UBASH3B: variants seen among roughly 807,000 people sequenced by gnomAD.
UBASH3B encodes ubiquitin-associated and SH3 domain-containing protein B.
Under a neutral mutation model 83.4 loss-of-function variants are expected in UBASH3B, and 37 were observed. The ratio of observed to expected loss-of-function variants is 0.44; its 90% CI spans 0.34 to 0.58. The LOEUF is 0.58. UBASH3B is among the 20% of genes least tolerant of loss of function. The probability of loss-of-function intolerance (pLI) is 0.01; values close to 1 mark genes in which losing one functional copy is unlikely to be tolerated. For missense variants in UBASH3B, 657 were observed against 827.2 expected (o/e 0.79, Z 2.52); for synonymous variants, 304 against 318.3 (o/e 0.96, Z 0.48).
intron 1 of UBASH3B, among the ~76,000 whole-genome samples, chr11:122,691,740 C>T (rs1455299050): frequency 6.6e-6 from 1 of 152,204 alleles, no homozygotes; most frequent in Non-Finnish European, 1.5e-5. Context: ...AAAAGGCTGC[C>T]TTGCCTGGCC....
rs1324237386 is a variant in UBASH3B at position 122,812,757 on chromosome 11, A to AT, written c.*2875dup. 2 of 152,210 alleles carry AT rather than the reference A, an allele frequency of 1.3e-5. No homozygotes were observed. Among genetic ancestry groups the AT allele is most frequent in the East Asian group, 3.8e-4 (2 of 5,198 alleles). 9.4% of individuals were successfully genotyped at this position (152,210 alleles called of 1,614,324 possible). On this transcript the variant is annotated 3_prime_UTR_variant, in exon 14 of 14. Coordinates refer to ENST00000284273, the MANE Select transcript of UBASH3B (RefSeq NM_032873.5). ...CACAGACAGAACTTTGTTTCCTGTG[A>AT]TTTTAAAATACCGCGTCTGTTCCTC...
intron 1 of UBASH3B, among the ~76,000 whole-genome samples, chr11:122,682,843 A>G (rs938051420): frequency 1.3e-5 from 2 of 152,222 alleles, no homozygotes; most frequent in African/African-American, 4.8e-5. Context: ...TTTCTAACTT[A>G]TCCTAAGGTA....
Position 122,801,308 on chromosome 11 carries a change from A to G in UBASH3B, c.1571A>G (p.Asn524Ser). ...CCTCCATCAGAGTTAGCTGCAGCCAACCTGAGTGTTGATACAACCTACAGG... is the reference window on the plus strand; with the variant it reads ...CCTCCATCAGAGTTAGCTGCAGCCAGCCTGAGTGTTGATACAACCTACAGG... Reference protein sequence around the residue: ...WIPPSELAAANLSVDTTYRPH... With the variant: ...WIPPSELAAASLSVDTTYRPH... Residue 524 changes from asparagine to serine, a missense_variant, in exon 11 of 14, where the codon AAC becomes AGC. This residue lies in a region of UBASH3B where 573 missense variants were observed against 739.0 expected (regional missense o/e 0.78). Transcript: ENST00000284273. 6.2e-7 allele frequency: 1 copy of G among 1,614,172 alleles called. No homozygotes were observed. The highest frequency in any genetic ancestry group is 8.5e-7 in the Non-Finnish European group (1 of 1,180,024).
chr11:122,683,506 T>C (rs1032937739), intron 1 of UBASH3B, among the ~76,000 whole-genome samples: 3 of 151,612 alleles, frequency 2.0e-5, no homozygotes, highest in Admixed American at 2.0e-4. Flanking sequence ...TCCCAGCTAC[T>C]TGGGAGGCTG....
rs1052081482 is a variant in UBASH3B, at chr11:122,794,579, C to T, written c.981-123C>T. On this transcript the variant is annotated intron_variant, in intron 6 of 13. Coordinates refer to ENST00000284273, the MANE Select transcript of UBASH3B (RefSeq NM_032873.5). ...GAATGAGGCCACTCCTGCTCAGCATCCCCCATCATTGTGCTACCCACAGAG... is the reference window on the plus strand; with the variant it reads ...GAATGAGGCCACTCCTGCTCAGCATTCCCCATCATTGTGCTACCCACAGAG... 7.4e-6 allele frequency: 9 copies of T among 1,219,326 alleles called. No homozygotes were observed. In the Admixed American group the frequency reaches 1.8e-4, roughly 25 times the overall value. The allele number at this position is 1,219,326 out of a possible 1,614,324, so 75.5% of individuals were successfully genotyped here.
intron 5 of UBASH3B, among the ~76,000 whole-genome samples, chr11:122,784,533 G>A (rs992345474): frequency 9.9e-5 from 15 of 152,270 alleles, no homozygotes; most frequent in Admixed American, 9.8e-4. Flanking sequence ...TTAAAAATGT[G>A]CCTTCCAACT....
At chr11:122,735,200 T>C (rs1860912836) in intron 1 of UBASH3B, among the ~76,000 whole-genome samples, 1 of 152,190 alleles carries the variant, frequency 6.6e-6, no homozygotes, top group East Asian at 1.9e-4. Context: ...CCCAATAGCA[T>C]ATATTTCTCG....
At chr11:122,805,735 G>A (rs1438222348) in intron 11 of UBASH3B, among the ~76,000 whole-genome samples, 1 of 152,124 alleles carries the variant, frequency 6.6e-6, no homozygotes, top group Non-Finnish European at 1.5e-5. Context: ...TGGGTGGGGG[G>A]CACAGCCAGG....
intron 1 of UBASH3B, among the ~76,000 whole-genome samples, chr11:122,699,916 A>G (rs551394533): frequency 6.6e-6 from 1 of 152,256 alleles, no homozygotes; most frequent in South Asian, 2.1e-4. Flanking sequence ...CTTGTAATCT[A>G]TTAAGGTTTA....
rs1861325450 is a variant in UBASH3B at position 122,758,883 on chromosome 11, T to C, written c.162-17336T>C. Among the ~76,000 whole-genome samples the C allele has an allele frequency of 6.6e-6, 1 of 152,242 alleles. No individual in the cohort carries two copies. Among genetic ancestry groups the C allele is most frequent in the Non-Finnish European group, 1.5e-5 (1 of 68,036 alleles). On this transcript the variant is annotated intron_variant, in intron 1 of 13. Coordinates refer to ENST00000284273, the MANE Select transcript of UBASH3B (RefSeq NM_032873.5). The surrounding 1 kb of genome is among the most constrained non-coding windows in gnomAD (Gnocchi z 4.2). ...TACCCTTTAGTGCTGAGCTTGGTCA[T>C]ACCAGGTCATTTCAGCCAATGCTCA...
chr11:122,710,105 G>T (rs554714624), intron 1 of UBASH3B, among the ~76,000 whole-genome samples: 1 of 147,058 alleles, frequency 6.8e-6, no homozygotes, highest in Non-Finnish European at 1.5e-5. Context: ...GCAGTGAGCC[G>T]AGGTCATACC....
chr11:122,787,903 C>T (rs1365884015), intron 5 of UBASH3B, among the ~76,000 whole-genome samples: 1 of 152,152 alleles, frequency 6.6e-6, no homozygotes, highest in South Asian at 2.1e-4. Flanking sequence ...TTAAAGCTTT[C>T]TCCGTCTTTG....
At chr11:122,707,233 C>T (rs148133419) in intron 1 of UBASH3B, among the ~76,000 whole-genome samples, 1 of 152,290 alleles carries the variant, frequency 6.6e-6, no homozygotes, top group East Asian at 1.9e-4. Context: ...GACCTACTTA[C>T]TTTCTTGGAA....
chr11:122,746,009 C>A (rs773928409), intron 1 of UBASH3B, among the ~76,000 whole-genome samples: 1 of 152,194 alleles, frequency 6.6e-6, no homozygotes, highest in Non-Finnish European at 1.5e-5. Context: ...GAGCCTGGCA[C>A]GGGACCTCGT....
At chr11:122,674,196 G>A (rs900307231) in intron 1 of UBASH3B, among the ~76,000 whole-genome samples, 1 of 152,092 alleles carries the variant, frequency 6.6e-6, no homozygotes, top group Non-Finnish European at 1.5e-5. Context: ...AGATGTAAAC[G>A]GTGCTATGGA....
At chr11:122,705,624 G>C (rs1295475944) in intron 1 of UBASH3B, among the ~76,000 whole-genome samples, 1 of 152,108 alleles carries the variant, frequency 6.6e-6, no homozygotes, top group Non-Finnish European at 1.5e-5. Flanking sequence ...CCCTAATCAA[G>C]GAGGACTATT....
chr11:122,683,617 A>AT (rs1263937708), intron 1 of UBASH3B, among the ~76,000 whole-genome samples: 1,715 of 148,466 alleles, frequency 0.012, 16 homozygotes, highest in African/African-American at 0.02. Context: ...AAAAAAAAAA[A>AT]AATAATAATA....
At chr11:122,692,617 C>T (rs1221194036) in intron 1 of UBASH3B, among the ~76,000 whole-genome samples, 1 of 152,226 alleles carries the variant, frequency 6.6e-6, no homozygotes, top group Admixed American at 6.5e-5. Flanking sequence ...AGTTTGCATA[C>T]TGCCGAGGGC....
chr11:122,664,586 T>C (rs927181853), intron 1 of UBASH3B, among the ~76,000 whole-genome samples: 3 of 152,036 alleles, frequency 2.0e-5, no homozygotes, highest in Non-Finnish European at 1.5e-5. Context: ...GTGATCGCAG[T>C]CCTCTGGACC....
Sources: allele counts gnomAD v4.1 joint callset (sites outside exome capture counted in the v4.1 genomes callset), GRCh38; gene constraint gnomAD v4.1.1; regional missense constraint gnomAD v4.1.1; non-coding constraint Gnocchi (gnomAD v3.1); transcripts MANE v1.5; gene names NCBI Gene and HGNC (gene_info 2026-07-23, HGNC 2026-07-21).